Variants in CLCN3 observed in about 807,000 individuals in gnomAD.
CLCN3 encodes the protein H(+)/Cl(-) exchange transporter 3.
A neutral mutation model predicts 83.4 loss-of-function variants in CLCN3; 16 were observed. The ratio of observed to expected loss-of-function variants is 0.19; its 90% CI spans 0.13 to 0.29. CLCN3 has a LOEUF of 0.29. Among genes scored for constraint, CLCN3 ranks in the 10% least tolerant of loss-of-function variants. The probability of loss-of-function intolerance (pLI) is 1.00; values close to 1 mark genes in which losing one functional copy is unlikely to be tolerated. For synonymous variants in CLCN3, 322 were observed against 346.2 expected, an observed-to-expected ratio of 0.93 and a Z score of 0.78; for missense variants, 544 against 1,006.0, an observed-to-expected ratio of 0.54 and a Z score of 6.21.
intron 6 of CLCN3, among the ~76,000 whole-genome samples, chr4:169,691,771 T>A (rs912631799): frequency 1.3e-5 from 2 of 152,176 alleles, no homozygotes; most frequent in African/African-American, 4.8e-5. Flanking sequence ...ATATTATGCT[T>A]ATTTTTACAA....
At chr4:169,673,711 A>C in intron 2 of CLCN3, among the ~76,000 whole-genome samples, 1 of 152,196 alleles carries the variant, frequency 6.6e-6, no homozygotes. Flanking sequence ...GACTTACAGA[A>C]GTTTAAAAAT....
chr4:169,642,089 T>A (rs560084091), intron 2 of CLCN3, among the ~76,000 whole-genome samples: 45 of 152,296 alleles, frequency 3.0e-4, no homozygotes, highest in African/African-American at 6.3e-4. Flanking sequence ...AAATTTATTT[T>A]TTTTTTTAAC....
chr4:169,652,022 T>G (rs1730744712), intron 2 of CLCN3, among the ~76,000 whole-genome samples: 1 of 152,200 alleles, frequency 6.6e-6, no homozygotes, highest in Non-Finnish European at 1.5e-5. Flanking sequence ...ACTTAGGATA[T>G]GTTTTTAACT....
At chr4:169,628,313 T>G (rs772461341) in intron 1 of CLCN3, among the ~76,000 whole-genome samples, 3 of 152,172 alleles carry the variant, frequency 2.0e-5, no homozygotes, top group Non-Finnish European at 4.4e-5. Flanking sequence ...TAAATTAAAC[T>G]TCATCAAAAT....
intron 2 of CLCN3, among the ~76,000 whole-genome samples, chr4:169,663,855 G>C (rs1337392875): frequency 6.6e-6 from 1 of 152,164 alleles, no homozygotes; most frequent in Non-Finnish European, 1.5e-5. Context: ...TGTGTTTTAA[G>C]TCTGGTAGAA....
At chr4:169,653,146 C>G (rs572811712) in intron 2 of CLCN3, among the ~76,000 whole-genome samples, 1 of 152,166 alleles carries the variant, frequency 6.6e-6, no homozygotes, top group Admixed American at 6.5e-5. Context: ...AAAAACGTCC[C>G]TACCCTGATG....
At chr4:169,689,373 A>G in intron 5 of CLCN3, 143 bp downstream of exon 5, 1 of 627,264 alleles carries the variant, frequency 1.6e-6, no homozygotes, top group Non-Finnish European at 2.6e-6. Flanking sequence ...AGCAAGAAAG[A>G]ATTAAGTGCA....
chr4:169,650,907 A>G (rs1730713748), intron 2 of CLCN3, among the ~76,000 whole-genome samples: 2 of 152,192 alleles, frequency 1.3e-5, no homozygotes, highest in African/African-American at 4.8e-5. Flanking sequence ...GAGTAAGGTA[A>G]TGCATTTAGG....
At chr4:169,695,206 AT>A (rs1732520172) in intron 7 of CLCN3, among the ~76,000 whole-genome samples, 1 of 152,160 alleles carries the variant, frequency 6.6e-6, no homozygotes, top group South Asian at 2.1e-4. Flanking sequence ...GGAATAGAGT[AT>A]TTATGGTGGA....
chr4:169,686,597 A>T (rs1732168384), intron 3 of CLCN3, among the ~76,000 whole-genome samples: 1 of 152,024 alleles, frequency 6.6e-6, no homozygotes, highest in African/African-American at 2.4e-5. Context: ...CTGTATTTTT[A>T]GTAGAGAAGG....
chr4:169,707,048 C>T lies in CLCN3; in HGVS notation c.1931C>T (p.Ala644Val). The T allele has an allele frequency of 6.2e-7, 1 of 1,614,016 alleles. No homozygotes were observed. Among genetic ancestry groups the T allele is most frequent in the Non-Finnish European group, 8.5e-7 (1 of 1,179,972 alleles). Residue 644 changes from alanine to valine, a missense_variant, in exon 11 of 13, where the codon GCA becomes GTA. Ala to Val is a moderately conservative substitution (Grantham distance 64, BLOSUM62 0). This residue lies in a region of CLCN3 where 142 missense variants were observed against 225.0 expected (regional missense o/e 0.63). Coordinates refer to ENST00000513761, the MANE Select transcript of CLCN3 (RefSeq NM_001829.4). ...IRLNGYPFLD[A>V]KEEFTHTTLA... ...TTAAATGGATACCCTTTCTTGGATG[C>T]AAAAGAAGAATTCACTCATACCACC...
Position 169,663,797 on chromosome 4 carries a change from A to AATCATGAG in CLCN3, c.161-16252_161-16245dup, listed in dbSNP as rs1383380085. On this transcript the variant is annotated intron_variant, in intron 2 of 12. Coordinates refer to ENST00000513761, the MANE Select transcript of CLCN3 (RefSeq NM_001829.4). ...CATCCAGATATTTGGCTCATACTTT[A>AATCATGAG]ATCATGAGGCTAAACTGCTTCTCTC... is the stretch of plus-strand genomic sequence containing the variant. Among the ~76,000 whole-genome samples, 5 of 152,292 alleles carry AATCATGAG rather than the reference A, an allele frequency of 3.3e-5. No homozygotes were observed. The East Asian group carries it at 9.6e-4, about 29-fold the overall frequency.
intron 11 of CLCN3, among the ~76,000 whole-genome samples, chr4:169,712,324 C>T (rs1307291391): frequency 6.6e-6 from 1 of 151,944 alleles, no homozygotes; most frequent in Non-Finnish European, 1.5e-5. Flanking sequence ...CCATCTTTGC[C>T]ACTTCTTGTC....
At position 169,628,706 on chromosome 4, in the gene CLCN3, A is replaced by G. The variant is rs367545789; in HGVS notation, c.-16-7207A>G. ...ACTCATACATTGTTGGTAGAAATGT[A>G]CAATGGTACAGCCACTCTGGAAAAC... is the stretch of plus-strand genomic sequence containing the variant. On this transcript the variant is annotated intron_variant, in intron 1 of 12. Transcript: ENST00000513761. Among the ~76,000 whole-genome samples, 3 of 152,380 alleles carry G rather than the reference A, an allele frequency of 2.0e-5. No homozygotes were observed. The South Asian group carries it at 6.2e-4, about 32-fold the overall frequency.
chr4:169,718,201 C>T (rs912348899), intron 12 of CLCN3, among the ~76,000 whole-genome samples: 5 of 151,510 alleles, frequency 3.3e-5, no homozygotes, highest in Non-Finnish European at 7.4e-5. Flanking sequence ...GTGGATACAC[C>T]GGTCTCAGAA....
At chr4:169,672,951 C>A (rs187282143) in intron 2 of CLCN3, among the ~76,000 whole-genome samples, 7 of 152,300 alleles carry the variant, frequency 4.6e-5, no homozygotes, top group Admixed American at 3.3e-4. Flanking sequence ...GCGGGAGCCA[C>A]CGCGCCCGGC....
intron 2 of CLCN3, 130 bp from the exon 3 acceptor site, chr4:169,679,920 C>A (rs1355953721): frequency 3.0e-6 from 2 of 674,852 alleles, no homozygotes; most frequent in Non-Finnish European, 5.2e-6. Context: ...CCGTGGAAAG[C>A]GGGAGGTGGA....
intron 2 of CLCN3, among the ~76,000 whole-genome samples, chr4:169,679,491 C>T (rs569391695): frequency 9.8e-5 from 15 of 152,292 alleles, no homozygotes; most frequent in African/African-American, 2.4e-4. Flanking sequence ...GACGGGGTGG[C>T]GGCCGGGCAG....
intron 1 of CLCN3, among the ~76,000 whole-genome samples, chr4:169,631,276 T>C (rs894937114): frequency 6.6e-6 from 1 of 152,042 alleles, no homozygotes; most frequent in Non-Finnish European, 1.5e-5. Flanking sequence ...TTCATGTCCT[T>C]GCCTACTTTT....
Sources: gnomAD v4.1 joint callset for allele counts (sites outside exome capture counted in the v4.1 genomes callset) on GRCh38, gnomAD v4.1.1 for gene constraint, gnomAD v4.1.1 regional missense constraint, MANE v1.5 for transcripts, NCBI Gene and HGNC (gene_info 2026-07-23, HGNC 2026-07-21) for gene names.